The following EYA4 variants were observed in gnomAD, a reference collection of about 807,000 sequenced individuals.
EYA4 encodes the protein protein phosphatase EYA4.
A neutral mutation model predicts 87.9 loss-of-function variants in EYA4; 31 were observed. That is an observed-to-expected ratio of 0.35 (90% CI 0.27 to 0.48). The LOEUF is 0.48. EYA4 is among the 20% of genes least tolerant of loss of function. The pLI, the probability that EYA4 is intolerant of heterozygous loss-of-function variation, is 0.99. For synonymous variants in EYA4, 263 were observed against 270.6 expected, an observed-to-expected ratio of 0.97 and a Z score of 0.28; for missense variants, 678 against 761.4, an observed-to-expected ratio of 0.89 and a Z score of 1.29.
At chr6:133,358,952 G>C (rs1784268223) in intron 2 of EYA4, among the ~76,000 whole-genome samples, 1 of 152,104 alleles carries the variant, frequency 6.6e-6, no homozygotes, top group Non-Finnish European at 1.5e-5. Flanking sequence ...TGAAGGATGA[G>C]AGCCAGCCGC....
At chr6:133,424,873 G>A (rs9493620) in intron 3 of EYA4, among the ~76,000 whole-genome samples, 9 of 150,794 alleles carry the variant, frequency 6.0e-5, no homozygotes, top group East Asian at 2.0e-4. Context: ...GCTCCCACCC[G>A]CTCCATGGAG....
chr6:133,346,026 G>A (rs1217772476), intron 2 of EYA4, among the ~76,000 whole-genome samples: 1 of 152,182 alleles, frequency 6.6e-6, no homozygotes, highest in Non-Finnish European at 1.5e-5. Context: ...ATAGACACTT[G>A]ACTTGCTCAC....
intron 2 of EYA4, among the ~76,000 whole-genome samples, chr6:133,354,937 A>C (rs9389072): frequency 2.2e-4 from 33 of 152,186 alleles, no homozygotes; most frequent in Non-Finnish European, 1.5e-4. Flanking sequence ...GAGTCTTTCT[A>C]TACAACCTTG....
intron 3 of EYA4, among the ~76,000 whole-genome samples, chr6:133,443,204 A>T (rs9399064): frequency 0.2 from 29,547 of 151,310 alleles, 3,024 homozygotes; most frequent in East Asian, 0.32. Context: ...ACTAAAAAAA[A>T]TTTTTTTTTA....
At chr6:133,422,721 ATTTC>A (rs1790322847) in intron 3 of EYA4, among the ~76,000 whole-genome samples, 1 of 152,256 alleles carries the variant, frequency 6.6e-6, no homozygotes, top group African/African-American at 2.4e-5. Flanking sequence ...TTGTAAAAAT[ATTTC>A]AAAGATTTCA....
intron 13 of EYA4, among the ~76,000 whole-genome samples, chr6:133,485,204 A>G (rs1380820424): frequency 6.6e-6 from 1 of 152,206 alleles, no homozygotes; most frequent in Non-Finnish European, 1.5e-5. Flanking sequence ...TCATTTCAAC[A>G]CACAAGTTTT....
intron 3 of EYA4, among the ~76,000 whole-genome samples, chr6:133,431,546 G>A (rs956065161): frequency 9.2e-5 from 14 of 152,164 alleles, no homozygotes; most frequent in African/African-American, 3.1e-4. Context: ...GATGCTAGTT[G>A]ACTAATCACT....
intron 3 of EYA4, among the ~76,000 whole-genome samples, chr6:133,413,344 G>A (rs897098702): frequency 6.6e-6 from 1 of 151,544 alleles, no homozygotes; most frequent in Non-Finnish European, 1.5e-5. Flanking sequence ...GCCTCATTCT[G>A]TAAATGGCCA....
intron 2 of EYA4, among the ~76,000 whole-genome samples, chr6:133,374,040 A>G (rs909690888): frequency 1.3e-5 from 2 of 152,118 alleles, no homozygotes; most frequent in African/African-American, 2.4e-5. Context: ...TAAAGCCGAT[A>G]TGGCATTTAT....
intron 2 of EYA4, among the ~76,000 whole-genome samples, chr6:133,360,909 A>G (rs1784401539): frequency 6.6e-6 from 1 of 152,222 alleles, no homozygotes; most frequent in African/African-American, 2.4e-5. Flanking sequence ...CATTTCTTGT[A>G]TGCTTTGAGA....
intron 5 of EYA4, among the ~76,000 whole-genome samples, chr6:133,456,145 G>T (rs960548143): frequency 6.6e-6 from 1 of 151,946 alleles, no homozygotes; most frequent in African/African-American, 2.4e-5. Context: ...GTATTATTAT[G>T]CAAACTTAAA....
At chr6:133,275,328 CT>C (rs1777075740) in intron 2 of EYA4, among the ~76,000 whole-genome samples, 1 of 152,134 alleles carries the variant, frequency 6.6e-6, no homozygotes, top group Admixed American at 6.6e-5. Flanking sequence ...GGGAAAGGCT[CT>C]TTGCAACCTT....
intron 2 of EYA4, among the ~76,000 whole-genome samples, chr6:133,356,745 CAG>C (rs1491151370): frequency 9.1e-6 from 1 of 110,222 alleles, no homozygotes; most frequent in Non-Finnish European, 1.8e-5. Flanking sequence ...AAGCATTATT[CAG>C]TGTGTGTGTG....
At chr6:133,347,768 A>T (rs1161415133) in intron 2 of EYA4, among the ~76,000 whole-genome samples, 3 of 152,198 alleles carry the variant, frequency 2.0e-5, no homozygotes, top group African/African-American at 7.2e-5. Context: ...AAAATCATGT[A>T]CCTAGTTAGT....
intron 19 of EYA4, chr6:133,525,930 C>A (rs892255718): frequency 2.3e-5 from 23 of 985,204 alleles, no homozygotes; most frequent in Non-Finnish European, 2.2e-5. Context: ...AGAAGAGTTT[C>A]ATCTGTTTTG....
intron 2 of EYA4, among the ~76,000 whole-genome samples, chr6:133,324,904 A>ATTTTTTTTTTT (rs756478373): frequency 1.2e-5 from 1 of 83,534 alleles, no homozygotes; most frequent in Non-Finnish European, 2.2e-5. Flanking sequence ...TTCAGAAGCT[A>ATTTTTTTTTTT]TTTTTTTTTT....
chr6:133,256,940 A>C (rs1242372901), intron 1 of EYA4, among the ~76,000 whole-genome samples: 1 of 151,986 alleles, frequency 6.6e-6, no homozygotes, highest in African/African-American at 2.4e-5. Context: ...AAATATGGCT[A>C]TCAATTTTTG....
At chr6:133,416,356 A>G (rs554311988) in intron 3 of EYA4, among the ~76,000 whole-genome samples, 29 of 152,328 alleles carry the variant, frequency 1.9e-4, no homozygotes, top group Admixed American at 1.9e-3. Flanking sequence ...TAGTGAGGGA[A>G]GGGGAAAAAC....
chr6:133,392,834 T>C, intron 3 of EYA4, among the ~76,000 whole-genome samples: 1 of 152,152 alleles, frequency 6.6e-6, no homozygotes, highest in East Asian at 1.9e-4. Flanking sequence ...TTCCAGAAAA[T>C]GGCTGTGTTC....
Sources: allele counts gnomAD v4.1 joint callset (sites outside exome capture counted in the v4.1 genomes callset), GRCh38; gene constraint gnomAD v4.1.1; transcripts MANE v1.5; gene names NCBI Gene and HGNC (gene_info 2026-07-23, HGNC 2026-07-21).